JAZF1: variants seen among roughly 807,000 people sequenced by gnomAD.
JAZF1 encodes the protein JAZF zinc finger 1, also known as juxtaposed with another zinc finger protein 1.
A neutral mutation model predicts 26.4 loss-of-function variants in JAZF1; 8 were observed. That is an observed-to-expected ratio of 0.30 (90% CI 0.18 to 0.55). JAZF1 has a LOEUF of 0.55. Ranked by LOEUF, JAZF1 falls within the 20% of genes least tolerant of loss-of-function variation. The pLI, the probability that JAZF1 is intolerant of heterozygous loss-of-function variation, is 0.94. For synonymous variants in JAZF1, 126 were observed against 122.3 expected (o/e 1.03, Z -0.20); for missense variants, 199 against 322.0 (o/e 0.62, Z 2.92).
intron 1 of JAZF1, among the ~76,000 whole-genome samples, chr7:28,145,647 G>A (rs905949234): frequency 6.6e-6 from 1 of 151,874 alleles, no homozygotes; most frequent in Non-Finnish European, 1.5e-5. Flanking sequence ...TAAAATCAGA[G>A]TCATCCATTT....
At chr7:28,051,150 A>AAC (rs1562570678) in intron 1 of JAZF1, among the ~76,000 whole-genome samples, 6 of 135,704 alleles carry the variant, frequency 4.4e-5, no homozygotes, top group African/African-American at 8.3e-5. Flanking sequence ...AAAAAAAAAA[A>AAC]AAAAAACAAA....
intron 2 of JAZF1, among the ~76,000 whole-genome samples, chr7:27,949,449 T>C (rs920943208): frequency 6.6e-6 from 1 of 152,212 alleles, no homozygotes; most frequent in Non-Finnish European, 1.5e-5. Context: ...AGTGTTGCCA[T>C]GCTCATGCAT....
rs566709349 is a variant in JAZF1, at chr7:28,099,187, A to C, written c.115+81276T>G. Among the ~76,000 whole-genome samples the C allele has an allele frequency of 3.7e-4, 56 of 152,300 alleles. No homozygotes were observed. The Middle Eastern group carries it at 0.01, about 28-fold the overall frequency. On this transcript the variant is annotated intron_variant, in intron 1 of 4. Coordinates refer to ENST00000283928, the MANE Select transcript of JAZF1 (RefSeq NM_175061.4). ...TCAAAGAGGATAGTGTACTTTGTTC[A>C]AATGTCCAGTATCTTGTCTCTTATG...
chr7:27,997,700 T>C (rs1786044346), intron 1 of JAZF1, among the ~76,000 whole-genome samples: 2 of 152,006 alleles, frequency 1.3e-5, no homozygotes, highest in Admixed American at 6.6e-5. Context: ...CCTGAGCAGA[T>C]AGGACTGCAG....
intron 1 of JAZF1, among the ~76,000 whole-genome samples, chr7:28,130,730 G>C (rs377539607): frequency 6.6e-6 from 1 of 152,224 alleles, no homozygotes; most frequent in Non-Finnish European, 1.5e-5. Context: ...GTACTCCAAT[G>C]TGATCAGGAG....
chr7:28,142,798 C>A (rs1782977303), intron 1 of JAZF1, among the ~76,000 whole-genome samples: 1 of 152,162 alleles, frequency 6.6e-6, no homozygotes. Flanking sequence ...CAGGGTATGG[C>A]CAGCAGAGAG....
intron 1 of JAZF1, among the ~76,000 whole-genome samples, chr7:28,073,779 A>T (rs886905760): frequency 6.6e-6 from 1 of 152,166 alleles, no homozygotes; most frequent in Non-Finnish European, 1.5e-5. Flanking sequence ...AAGTCCCTGG[A>T]TGTGTGAATT....
intron 2 of JAZF1, among the ~76,000 whole-genome samples, chr7:27,954,427 A>C (rs890506222): frequency 6.6e-6 from 1 of 152,144 alleles, no homozygotes; most frequent in Non-Finnish European, 1.5e-5. Flanking sequence ...GTTTGGGAAC[A>C]CTAATTTAGG....
intron 3 of JAZF1, among the ~76,000 whole-genome samples, chr7:27,869,127 C>T (rs1448264378): frequency 6.6e-6 from 1 of 152,150 alleles, no homozygotes; most frequent in Non-Finnish European, 1.5e-5. Flanking sequence ...CACATAAACA[C>T]CACATAGTGA....
intron 1 of JAZF1, among the ~76,000 whole-genome samples, chr7:28,098,880 A>G (rs1784425530): frequency 6.6e-6 from 1 of 152,260 alleles, no homozygotes; most frequent in East Asian, 1.9e-4. Context: ...AAGAAAGTCC[A>G]TAAAGGGAGG....
chr7:27,949,185 C>A (rs1357412655), intron 2 of JAZF1, among the ~76,000 whole-genome samples: 2 of 152,072 alleles, frequency 1.3e-5, no homozygotes, highest in Non-Finnish European at 2.9e-5. Context: ...TTTTGGGAGG[C>A]CAGGGAGAGT....
chr7:27,978,281 G>C (rs576214360), intron 2 of JAZF1, among the ~76,000 whole-genome samples: 1 of 152,264 alleles, frequency 6.6e-6, no homozygotes, highest in East Asian at 1.9e-4. Flanking sequence ...TCTGACTCCT[G>C]CTCCTATACT....
intron 2 of JAZF1, among the ~76,000 whole-genome samples, chr7:27,931,763 G>C (rs757651543): frequency 2.0e-5 from 3 of 151,850 alleles, no homozygotes; most frequent in Non-Finnish European, 4.4e-5. Flanking sequence ...CTTGAACCGG[G>C]GAGAATTGCT....
chr7:27,865,753 G>A (rs1057393351), intron 3 of JAZF1, among the ~76,000 whole-genome samples: 7 of 152,088 alleles, frequency 4.6e-5, no homozygotes, highest in African/African-American at 7.2e-5. Context: ...TCCAACTTCC[G>A]TAGCTTCAGA....
chr7:27,890,540 T>A (rs1049050282), intron 3 of JAZF1, among the ~76,000 whole-genome samples: 2 of 152,194 alleles, frequency 1.3e-5, no homozygotes, highest in African/African-American at 4.8e-5. Flanking sequence ...ATAATGAATG[T>A]GGATAGAAAG....
At chr7:27,909,661 C>G (rs1288409149) in intron 2 of JAZF1, among the ~76,000 whole-genome samples, 1 of 152,022 alleles carries the variant, frequency 6.6e-6, no homozygotes, top group Non-Finnish European at 1.5e-5. Flanking sequence ...GAGCTGAGAT[C>G]CGCCACTGCC....
At chr7:28,118,215 A>C (rs1037832714) in intron 1 of JAZF1, 1 of 152,176 alleles carries the variant, frequency 6.6e-6, no homozygotes, top group Non-Finnish European at 1.5e-5. Context: ...TGCCAAGAGG[A>C]GCACAAAAAG....
At chr7:28,091,341 G>A (rs1314782945) in intron 1 of JAZF1, among the ~76,000 whole-genome samples, 2 of 151,440 alleles carry the variant, frequency 1.3e-5, no homozygotes, top group African/African-American at 2.4e-5. Context: ...TATTTTTCAC[G>A]ACTATTTAAA....
chr7:28,126,428 G>A (rs1339965357), intron 1 of JAZF1, among the ~76,000 whole-genome samples: 1 of 151,732 alleles, frequency 6.6e-6, no homozygotes, highest in African/African-American at 2.4e-5. Context: ...AGAGGGGGAT[G>A]GGCATGGCTG....
Sources: gnomAD v4.1 joint callset for allele counts (sites outside exome capture counted in the v4.1 genomes callset) on GRCh38, gnomAD v4.1.1 for gene constraint, MANE v1.5 for transcripts, NCBI Gene and HGNC (gene_info 2026-07-23, HGNC 2026-07-21) for gene names.